Variants in INSL6 observed in about 807,000 individuals in gnomAD.
The protein encoded by INSL6 is insulin-like peptide INSL6.
Under a neutral mutation model 9.4 loss-of-function variants are expected in INSL6, and 16 were observed. The ratio of observed to expected loss-of-function variants is 1.70; its 90% CI spans 1.15 to 2.59. The LOEUF (loss-of-function observed/expected upper bound fraction) is 2.59. Ranked by LOEUF, INSL6 falls within the 30% of genes most tolerant of loss-of-function variation. The pLI, the probability that INSL6 is intolerant of heterozygous loss-of-function variation, is 0.00. For missense variants in INSL6, 391 were observed against 257.3 expected, an observed-to-expected ratio of 1.52 and a Z score of -3.56; for synonymous variants, 154 against 96.9, an observed-to-expected ratio of 1.59 and a Z score of -3.46.
chr9:5,156,417 A>C (rs2130899596), intron 2 of INSL6, among the ~76,000 whole-genome samples: 1 of 152,284 alleles, frequency 6.6e-6, no homozygotes, highest in Non-Finnish European at 1.5e-5. Context: ...TTGATGCAAA[A>C]CCCCATTCCT....
At chr9:4,996,378 G>A in the INSL6 span, among the ~76,000 whole-genome samples, 2 of 152,056 alleles carry the variant, frequency 1.3e-5, no homozygotes, top group Non-Finnish European at 2.9e-5. Flanking sequence ...TACCTGGGAG[G>A]CAGAGGTTGC....
the INSL6 span, among the ~76,000 whole-genome samples, chr9:5,007,804 T>C: frequency 6.6e-6 from 1 of 151,908 alleles, no homozygotes; most frequent in Non-Finnish European, 1.5e-5. Flanking sequence ...CTTGGCTCAC[T>C]GCAATCTCTG....
the INSL6 span, among the ~76,000 whole-genome samples, chr9:5,101,350 G>A: frequency 6.6e-6 from 1 of 152,242 alleles, no homozygotes; most frequent in Non-Finnish European, 1.5e-5. Context: ...CCATTGCTGA[G>A]GCTTGAGTAG....
At chr9:5,144,360 C>G (rs1197470387) in intron 2 of INSL6, among the ~76,000 whole-genome samples, 1 of 152,024 alleles carries the variant, frequency 6.6e-6, no homozygotes, top group Non-Finnish European at 1.5e-5. Context: ...CACTGTGGTA[C>G]GAGAGACCGT....
chr9:5,166,758 C>G (rs1047132246), intron 1 of INSL6, among the ~76,000 whole-genome samples: 7 of 152,068 alleles, frequency 4.6e-5, no homozygotes, highest in African/African-American at 1.7e-4. Context: ...ACAAGTTGTT[C>G]CAGAAAACGA....
chr9:5,054,966 A>G, the INSL6 span: 2 of 1,011,254 alleles, frequency 2.0e-6, no homozygotes, highest in Non-Finnish European at 2.9e-6. This position sits in a 1 kb window ranked among gnomAD's most constrained non-coding sequence, Gnocchi z 4.9. Flanking sequence ...ATCATTTGCA[A>G]CATGGTATTG....
the INSL6 span, chr9:5,096,632 T>G: frequency 6.6e-6 from 1 of 152,220 alleles, no homozygotes; most frequent in Non-Finnish European, 1.5e-5. Flanking sequence ...TACAGTCCAA[T>G]GCTTACTCAG....
At chr9:5,004,651 G>A in the INSL6 span, among the ~76,000 whole-genome samples, 1 of 152,052 alleles carries the variant, frequency 6.6e-6, no homozygotes, top group East Asian at 1.9e-4. Context: ...ACCCAGAAGT[G>A]GGATTGCTAA....
At chr9:5,057,772 G>A in the INSL6 span, among the ~76,000 whole-genome samples, 7 of 151,608 alleles carry the variant, frequency 4.6e-5, no homozygotes, top group Non-Finnish European at 4.4e-5. Context: ...TAGTAGAGAC[G>A]GGGTTTCACC....
chr9:5,042,961 C>T, the INSL6 span, among the ~76,000 whole-genome samples: 1 of 152,346 alleles, frequency 6.6e-6, no homozygotes, highest in Admixed American at 6.5e-5. Context: ...TTCCCCGAGG[C>T]TGTGCTCCGA....
At chr9:4,995,633 G>A in the INSL6 span, among the ~76,000 whole-genome samples, 1 of 152,128 alleles carries the variant, frequency 6.6e-6, no homozygotes, top group Non-Finnish European at 1.5e-5. Context: ...GAGTTCTTGG[G>A]TAGTGAACAT....
chr9:5,055,331 CTAGAGATT>C, the INSL6 span, among the ~76,000 whole-genome samples: 1 of 151,932 alleles, frequency 6.6e-6, no homozygotes, highest in Non-Finnish European at 1.5e-5. Context: ...TAGATTGTTA[CTAGAGATT>C]TAGAGGGATC....
chr9:5,119,692 G>A (rs1463861800), downstream of INSL6, among the ~76,000 whole-genome samples: 2 of 152,130 alleles, frequency 1.3e-5, no homozygotes, highest in African/African-American at 2.4e-5. Context: ...GTGTTAGGGG[G>A]AGGTATGAAG....
the INSL6 span, among the ~76,000 whole-genome samples, chr9:5,033,657 G>A: frequency 2.0e-5 from 3 of 152,252 alleles, no homozygotes; most frequent in African/African-American, 4.8e-5. Flanking sequence ...ATATGTGAAG[G>A]AGAAATAAAA....
intron 1 of INSL6, among the ~76,000 whole-genome samples, chr9:5,181,388 C>T (rs1314618286): frequency 1.3e-5 from 2 of 151,620 alleles, no homozygotes; most frequent in Admixed American, 1.3e-4. Context: ...ATGGTTATCC[C>T]ACAAATTAGT....
chr9:5,167,680 C>T (rs979433085), intron 1 of INSL6, among the ~76,000 whole-genome samples: 2 of 152,202 alleles, frequency 1.3e-5, no homozygotes, highest in Admixed American at 1.3e-4. Flanking sequence ...TTTAGTCTTT[C>T]CTGCCTACTG....
chr9:5,118,696 A>G, the INSL6 span, among the ~76,000 whole-genome samples: 4 of 152,238 alleles, frequency 2.6e-5, no homozygotes, highest in Non-Finnish European at 4.4e-5. Context: ...AAGTGAGTGG[A>G]CAGGAATGGA....
At chr9:5,081,966 TAG>T in the INSL6 span, 21,822 of 952,506 alleles carry the variant, frequency 0.023, 2,258 homozygotes, top group African/African-American at 0.27. Flanking sequence ...GGAGTGCTTG[TAG>T]AAAAAAAAGG....
downstream of INSL6, among the ~76,000 whole-genome samples, chr9:5,160,282 C>A (rs1824899670): frequency 6.7e-6 from 1 of 150,070 alleles, no homozygotes; most frequent in African/African-American, 2.5e-5. Context: ...AACTAGAAAG[C>A]AAAAACAAAA....
Sources: gnomAD v4.1 joint callset for allele counts (sites outside exome capture counted in the v4.1 genomes callset) on GRCh38, gnomAD v4.1.1 for gene constraint, Gnocchi (gnomAD v3.1) non-coding constraint, MANE v1.5 for transcripts, NCBI Gene and HGNC (gene_info 2026-07-23, HGNC 2026-07-21) for gene names.